The following KAT6A variants were observed in gnomAD, a reference collection of about 807,000 sequenced individuals.
KAT6A encodes histone acetyltransferase KAT6A.
Under a neutral mutation model 198.4 loss-of-function variants are expected in KAT6A, and 9 were observed. That is an observed-to-expected ratio of 0.05 (90% CI 0.03 to 0.08). The LOEUF is 0.08. Among genes scored for constraint, KAT6A ranks in the 10% least tolerant of loss-of-function variants. The pLI is 1.00. For synonymous variants in KAT6A, 890 were observed against 883.0 expected (o/e 1.01, Z -0.14); for missense variants, 2,077 against 2,509.9 (o/e 0.83, Z 3.69).
At chr8:41,947,676 C>T (rs1822464266) in intron 11 of KAT6A, 75 bp downstream of exon 11, 3 of 1,219,760 alleles carry the variant, frequency 2.5e-6, no homozygotes, top group Non-Finnish European at 2.3e-6. Context: ...CTTGTTGTGT[C>T]CCCGAGTGAG....
chr8:42,001,076 G>T (rs908104904), intron 2 of KAT6A, among the ~76,000 whole-genome samples: 15 of 152,252 alleles, frequency 9.9e-5, no homozygotes, highest in African/African-American at 3.4e-4. Flanking sequence ...TCTATTATTG[G>T]TAAATAGTGA....
chr8:41,939,088 T>C (rs117102754), intron 15 of KAT6A, among the ~76,000 whole-genome samples: 450 of 152,094 alleles, frequency 3.0e-3, no homozygotes, highest in Non-Finnish European at 5.2e-3. Flanking sequence ...TAAAGTGAAG[T>C]ATCACGTAAA....
At chr8:41,994,184 A>T (rs763206313) in intron 2 of KAT6A, among the ~76,000 whole-genome samples, 2 of 152,226 alleles carry the variant, frequency 1.3e-5, no homozygotes, top group Non-Finnish European at 2.9e-5. Flanking sequence ...AATAAAAGAA[A>T]AAAGGTTGTA....
chr8:41,997,508 A>G (rs1308137098), intron 2 of KAT6A, among the ~76,000 whole-genome samples: 2 of 152,234 alleles, frequency 1.3e-5, no homozygotes, highest in African/African-American at 4.8e-5. Context: ...GAAGTTAGTT[A>G]TCTTTTAATC....
At chr8:42,036,562 G>A (rs1827386418) in intron 2 of KAT6A, among the ~76,000 whole-genome samples, 1 of 152,112 alleles carries the variant, frequency 6.6e-6, no homozygotes. Flanking sequence ...GCAGTGAGCA[G>A]AGATCGCACC....
In KAT6A at chr8:41,980,422, T is replaced by A. The variant is rs978201225; in HGVS notation, c.907+424A>T. Among the ~76,000 whole-genome samples, 5 of 152,256 alleles carry A rather than the reference T, an allele frequency of 3.3e-5. No individual in the cohort carries two copies. In the East Asian group the frequency reaches 9.6e-4, roughly 29 times the overall value. On this transcript the variant is annotated intron_variant, in intron 5 of 16. Coordinates refer to ENST00000265713, the MANE Select transcript of KAT6A (RefSeq NM_006766.5). Reference sequence around the variant, plus strand: ...GTATTTCATAAAAAGGTTTTTTTTTTAAGTTTTGAATAAACCATATCTCTA... The same window carrying A: ...GTATTTCATAAAAAGGTTTTTTTTTAAAGTTTTGAATAAACCATATCTCTA...
chr8:42,038,778 A>C (rs1028858967), intron 2 of KAT6A, among the ~76,000 whole-genome samples: 5 of 151,996 alleles, frequency 3.3e-5, no homozygotes, highest in Admixed American at 2.0e-4. Context: ...AATACAATTC[A>C]ACCATAAAAG....
At chr8:42,003,904 G>T (rs909297147) in intron 2 of KAT6A, among the ~76,000 whole-genome samples, 1 of 152,154 alleles carries the variant, frequency 6.6e-6, no homozygotes, top group Non-Finnish European at 1.5e-5. Context: ...AAGGAGAGAG[G>T]ATAACCTTGC....
Position 41,930,428 on chromosome 8 carries a change from C to T in KAT6A, c.*1777G>A, listed in dbSNP as rs1821470746. On this transcript the variant is annotated 3_prime_UTR_variant, in exon 17 of 17. Coordinates refer to ENST00000265713, the MANE Select transcript of KAT6A (RefSeq NM_006766.5). ...GAGAGCGGGAAGATGTGGAATTCTG[C>T]GTTTCTACCTAGCACGCTTGAGAAA... The T allele has an allele frequency of 4.5e-6, 1 of 221,898 alleles. No individual in the cohort carries two copies. The highest frequency in any genetic ancestry group is 9.0e-6 in the Non-Finnish European group (1 of 111,084). The allele number at this position is 221,898 out of a possible 1,614,324, so 13.7% of individuals were successfully genotyped here.
intron 15 of KAT6A, 61 bp from the exon 16 acceptor site, chr8:41,937,629 C>A (rs191620478): frequency 1.1e-5 from 15 of 1,342,542 alleles, no homozygotes; most frequent in Admixed American, 2.4e-5. Context: ...ATTAATAATA[C>A]GAAAACAGTT....
chr8:41,966,039 T>C (rs575642771), intron 8 of KAT6A, among the ~76,000 whole-genome samples: 2 of 152,328 alleles, frequency 1.3e-5, no homozygotes, highest in East Asian at 3.9e-4. Flanking sequence ...CTAGCACAGT[T>C]CAAATCCTAT....
intron 2 of KAT6A, among the ~76,000 whole-genome samples, chr8:41,996,650 T>C (rs1197379325): frequency 6.6e-6 from 1 of 152,156 alleles, no homozygotes; most frequent in Non-Finnish European, 1.5e-5. Context: ...TTGGCCCCCT[T>C]TTCCTCTCTG....
rs555569765 is a variant in KAT6A at position 42,008,270 on chromosome 8, G to C, written c.601-20707C>G. Among the ~76,000 whole-genome samples the C allele has an allele frequency of 4.6e-5, 7 of 152,210 alleles. No homozygotes were observed. In the South Asian group the frequency reaches 1.5e-3, roughly 32 times the overall value. ...TAACTCACAAAGCTCCCCTCATTAG[G>C]ATAATCCAAAGCTAACATTTTCAAC... On this transcript the variant is annotated intron_variant, in intron 2 of 16. Transcript: ENST00000265713.
Position 41,973,618 on chromosome 8 carries a change from G to A in KAT6A, c.1482+1086C>T, listed in dbSNP as rs1461505560. Among the ~76,000 whole-genome samples, 2 of 152,100 alleles carry A rather than the reference G, an allele frequency of 1.3e-5. 1 individual carries two copies. ...GACAAAAAATAAATGAACATAATCT[G>A]GAAGAGCCTTTATGATCTAGCCCCT... On this transcript the variant is annotated intron_variant, in intron 8 of 16. Transcript: ENST00000265713.
At position 41,932,099 on chromosome 8, in the gene KAT6A, A is replaced by G; in HGVS notation, c.*106T>C. 9.4e-7 allele frequency: 1 copy of G among 1,060,756 alleles called. No homozygotes were observed. The highest frequency in any genetic ancestry group is 1.2e-6 in the Non-Finnish European group (1 of 808,960). 65.7% of individuals were successfully genotyped at this position (1,060,756 alleles called of 1,614,324 possible). On this transcript the variant is annotated 3_prime_UTR_variant, in exon 17 of 17. Coordinates refer to ENST00000265713, the MANE Select transcript of KAT6A (RefSeq NM_006766.5). ...ACCAAAGAAAAATTCCTCTAAATCT[A>G]CAGCAATATTTTAACTGGAAAAAGG... is the stretch of plus-strand genomic sequence containing the variant.
chr8:42,014,078 T>C (rs1454895303), intron 2 of KAT6A, among the ~76,000 whole-genome samples: 2 of 152,158 alleles, frequency 1.3e-5, no homozygotes, highest in Non-Finnish European at 2.9e-5. Flanking sequence ...TTTGCATGTG[T>C]TTGAAATATT....
intron 2 of KAT6A, among the ~76,000 whole-genome samples, chr8:42,017,056 T>C (rs933460957): frequency 4.6e-5 from 7 of 152,080 alleles, no homozygotes; most frequent in Non-Finnish European, 1.0e-4. Flanking sequence ...AATAAATATA[T>C]AAAAAATTTA....
chr8:42,042,554 T>A (rs142903257), intron 2 of KAT6A, among the ~76,000 whole-genome samples: 5 of 152,064 alleles, frequency 3.3e-5, no homozygotes, highest in Non-Finnish European at 7.3e-5. Flanking sequence ...TAAATTCCAA[T>A]AAAACAAAAT....
chr8:41,943,368 C>A (rs1564012517), intron 13 of KAT6A, among the ~76,000 whole-genome samples: 1 of 152,138 alleles, frequency 6.6e-6, no homozygotes, highest in Non-Finnish European at 1.5e-5. Context: ...TCTGTTCTTC[C>A]TTTCAATCTA....
Sources: gnomAD v4.1 joint callset for allele counts (sites outside exome capture counted in the v4.1 genomes callset) on GRCh38, gnomAD v4.1.1 for gene constraint, MANE v1.5 for transcripts, NCBI Gene and HGNC (gene_info 2026-07-23, HGNC 2026-07-21) for gene names.